The following LOXL2 variants were observed in gnomAD, a reference collection of about 807,000 sequenced individuals.
LOXL2 encodes the protein lysyl oxidase like 2.
A neutral mutation model predicts 93.0 loss-of-function variants in LOXL2; 70 were observed. The ratio of observed to expected loss-of-function variants is 0.75; its 90% CI spans 0.62 to 0.92. The LOEUF (loss-of-function observed/expected upper bound fraction) is 0.92. Ranked by LOEUF, LOXL2 falls within the 40% of genes least tolerant of loss-of-function variation. LOXL2 has a pLI of 0.00. For synonymous variants in LOXL2, 438 were observed against 413.2 expected (o/e 1.06, Z -0.73); for missense variants, 973 against 1,054.9 (o/e 0.92, Z 1.08).
intron 1 of LOXL2, among the ~76,000 whole-genome samples, chr8:23,376,797 A>AT (rs1159462246): frequency 6.6e-6 from 1 of 151,998 alleles, no homozygotes; most frequent in Non-Finnish European, 1.5e-5. Context: ...CCCCTTTATC[A>AT]TTTTTTATTG....
At chr8:23,318,403 T>C (rs1803437141) in intron 8 of LOXL2, among the ~76,000 whole-genome samples, 1 of 147,444 alleles carries the variant, frequency 6.8e-6, no homozygotes, top group Non-Finnish European at 1.5e-5. Context: ...AAACACACAT[T>C]CATACATCCT....
rs186736788 is a variant in LOXL2 at position 23,300,001 on chromosome 8, G to C, written c.2134-1054C>G. ...GCTAAGGAGGTACATGCCCTGCTCC[G>C]GGGCGGCTTGAGTTTTTTCTTTTCC... On this transcript the variant is annotated intron_variant, in intron 12 of 13. Coordinates refer to ENST00000389131, the MANE Select transcript of LOXL2 (RefSeq NM_002318.3). Among the ~76,000 whole-genome samples, 1,230 of 152,310 alleles carry C rather than the reference G, an allele frequency of 8.1e-3. 11 individuals carry two copies. Among genetic ancestry groups the C allele is most frequent in the South Asian group, 0.038 (181 of 4,826 alleles).
intron 1 of LOXL2, among the ~76,000 whole-genome samples, chr8:23,392,048 T>C (rs1804852657): frequency 6.6e-6 from 1 of 152,252 alleles, no homozygotes; most frequent in East Asian, 1.9e-4. Context: ...ACCTTTCGCA[T>C]CTCCAGAAGC....
intron 2 of LOXL2, among the ~76,000 whole-genome samples, chr8:23,366,408 G>C (rs1428616278): frequency 6.6e-6 from 1 of 152,228 alleles, no homozygotes; most frequent in Admixed American, 6.5e-5. Flanking sequence ...CAATTGCATG[G>C]AGGTGAGATG....
chr8:23,372,053 C>T (rs1471832053), intron 1 of LOXL2, among the ~76,000 whole-genome samples: 1 of 151,584 alleles, frequency 6.6e-6, no homozygotes, highest in African/African-American at 2.4e-5. Context: ...AGCAATAAAA[C>T]AAATAAAAAG....
At chr8:23,366,706 A>G (rs752017848) in intron 2 of LOXL2, among the ~76,000 whole-genome samples, 20 of 152,362 alleles carry the variant, frequency 1.3e-4, no homozygotes, top group Admixed American at 1.2e-3. Flanking sequence ...TTAGTCCAGT[A>G]GCCAGACTTG....
chr8:23,367,872 A>T, intron 2 of LOXL2, 125 bp downstream of exon 2: 4 of 765,824 alleles, frequency 5.2e-6, no homozygotes, highest in Non-Finnish European at 8.4e-6. Flanking sequence ...CAGTCCCTGG[A>T]TGGGCATCAC....
chr8:23,365,113 G>A (rs1804377002), intron 2 of LOXL2: 1 of 152,334 alleles, frequency 6.6e-6, no homozygotes, highest in Non-Finnish European at 1.5e-5. Flanking sequence ...TCTGTGAACA[G>A]GCCAGGCTAG....
intron 3 of LOXL2, among the ~76,000 whole-genome samples, chr8:23,358,822 A>G (rs1372600497): frequency 1.3e-5 from 2 of 150,960 alleles, no homozygotes; most frequent in Non-Finnish European, 2.9e-5. Context: ...TCAGCGGGTC[A>G]GTGGGGAGGC....
At chr8:23,381,055 G>A (rs555271045) in intron 1 of LOXL2, among the ~76,000 whole-genome samples, 40 of 150,968 alleles carry the variant, frequency 2.6e-4, no homozygotes, top group African/African-American at 8.7e-4. Flanking sequence ...ACTGGGGGGC[G>A]GGTAACCATG....
intron 1 of LOXL2, chr8:23,370,951 A>C (rs56309320): frequency 0.075 from 11,474 of 152,322 alleles, 512 homozygotes; most frequent in South Asian, 0.12. Flanking sequence ...CCAGAATGAC[A>C]AAAGACATCA....
At position 23,328,168 on chromosome 8, in the gene LOXL2, CCT is replaced by C. The variant is rs564781190; in HGVS notation, c.1150+212_1150+213del. 4.2e-4 allele frequency among the ~76,000 whole-genome samples: 64 copies of C among 152,238 alleles called. 1 individual carries two copies. The highest frequency in any genetic ancestry group is 1.5e-3 in the African/African-American group (63 of 41,550). On this transcript the variant is annotated intron_variant, in intron 6 of 13. Transcript: ENST00000389131. ...TTGGATGTTTACTCCGTCTTTTGGG[CCT>C]CTGCTTCCAAATCTATAAAATAGGG...
intron 1 of LOXL2, among the ~76,000 whole-genome samples, chr8:23,378,272 C>G (rs564331440): frequency 2.8e-4 from 43 of 152,332 alleles, no homozygotes; most frequent in Admixed American, 2.8e-3. Flanking sequence ...TTGGCCCCCA[C>G]TCTCTTCTGG....
chr8:23,352,878 G>A (rs1804117122), intron 3 of LOXL2, among the ~76,000 whole-genome samples: 1 of 151,896 alleles, frequency 6.6e-6, no homozygotes, highest in Non-Finnish European at 1.5e-5. Context: ...CTGAGGCTTG[G>A]AGGTCACTCA....
chr8:23,338,737 C>T (rs1334772164), intron 4 of LOXL2, among the ~76,000 whole-genome samples: 1 of 152,222 alleles, frequency 6.6e-6, no homozygotes, highest in Non-Finnish European at 1.5e-5. Flanking sequence ...GTCTGCCTTC[C>T]AGACCTCTGC....
Position 23,328,541 on chromosome 8 carries a change from C to T in LOXL2, c.991G>A (p.Gly331Ser), listed in dbSNP as rs534844356. ...ACGCGGCCCTCCCCGATGTAGGCAC[C>T]GCCTCTCAGTCGCACCAGGGGTTGC... ...PEQPLVRLRG[G>S]AYIGEGRVEV... The change falls in exon 6 of 14, where the codon GGT becomes AGT. Residue 331 changes from glycine to serine, a missense_variant. By Grantham distance (56) the Gly-to-Ser change is moderately conservative. Transcript: ENST00000389131. The T allele has an allele frequency of 1.5e-5, 24 of 1,613,996 alleles. No homozygotes were observed. The African/African-American group carries it at 1.7e-4, about 12-fold the overall frequency.
chr8:23,316,714 C>T lies in LOXL2; in HGVS notation c.1636+235G>A, dbSNP rs61676020. 8,581 of 513,426 alleles carry T rather than the reference C, an allele frequency of 0.017. 832 individuals are homozygous for T. In the East Asian group the frequency reaches 0.23, roughly 14 times the overall value. The allele number at this position is 513,426 out of a possible 1,614,324, so 31.8% of individuals were successfully genotyped here. A position where few individuals can be genotyped will look rare whatever the true frequency, so the allele number is the denominator to read the frequency against. On this transcript the variant is annotated intron_variant, in intron 9 of 13. Transcript: ENST00000389131. ...GTAGCAGTGGTCCTGTGACTGAATCCGGGCTACAGACTGCAGCCCCTCCCT... is the reference window on the plus strand; with the variant it reads ...GTAGCAGTGGTCCTGTGACTGAATCTGGGCTACAGACTGCAGCCCCTCCCT...
chr8:23,307,070 C>T (rs1474992589), intron 10 of LOXL2, among the ~76,000 whole-genome samples: 2 of 152,224 alleles, frequency 1.3e-5, no homozygotes, highest in Non-Finnish European at 2.9e-5. Flanking sequence ...TTCCCATTCC[C>T]ACTAATTTGA....
intron 2 of LOXL2, chr8:23,365,009 G>T (rs1042645716): frequency 2.6e-5 from 4 of 152,240 alleles, no homozygotes; most frequent in Admixed American, 6.5e-5. Flanking sequence ...CTATAACCTC[G>T]AACAGGGGTT....
Sources: gnomAD v4.1 joint callset for allele counts (sites outside exome capture counted in the v4.1 genomes callset) on GRCh38, gnomAD v4.1.1 for gene constraint, MANE v1.5 for transcripts, NCBI Gene and HGNC (gene_info 2026-07-23, HGNC 2026-07-21) for gene names.